PLXNC1: variants seen among roughly 807,000 people sequenced by gnomAD.
PLXNC1 encodes the protein plexin-C1.
Under a neutral mutation model 178.2 loss-of-function variants are expected in PLXNC1, and 75 were observed. The observed-to-expected ratio is 0.42, with a 90% CI of 0.35 to 0.51. The LOEUF is 0.51. Ranked by LOEUF, PLXNC1 falls within the 20% of genes least tolerant of loss-of-function variation. PLXNC1 has a pLI of 0.02. For synonymous variants in PLXNC1, 790 were observed against 779.9 expected (o/e 1.01, Z -0.22); for missense variants, 1,503 against 1,984.4 (o/e 0.76, Z 4.61).
At chr12:94,200,615 TACAC>T (rs1270621671) in intron 4 of PLXNC1, among the ~76,000 whole-genome samples, 2 of 152,204 alleles carry the variant, frequency 1.3e-5, no homozygotes, top group African/African-American at 4.8e-5. Context: ...GGCCCCCAGT[TACAC>T]AGGGAGTATA....
chr12:94,155,509 G>A (rs17022077), intron 1 of PLXNC1, among the ~76,000 whole-genome samples: 3,127 of 152,184 alleles, frequency 0.021, 102 homozygotes, highest in African/African-American at 0.072. Context: ...GGAACTTGTC[G>A]CATTTTTTTT....
At chr12:94,270,655 A>T (rs2136104901) in intron 21 of PLXNC1, among the ~76,000 whole-genome samples, 1 of 152,160 alleles carries the variant, frequency 6.6e-6, no homozygotes, top group African/African-American at 2.4e-5. Flanking sequence ...GGGCTAAATC[A>T]GACAGCTCTT....
At chr12:94,191,460 A>G (rs986440264) in intron 4 of PLXNC1, among the ~76,000 whole-genome samples, 2 of 152,196 alleles carry the variant, frequency 1.3e-5, no homozygotes, top group African/African-American at 4.8e-5. Flanking sequence ...CAAGAAAACT[A>G]TCTTCACTTC....
rs1961578746 is a variant in PLXNC1, at chr12:94,165,553, G to C, written c.1063-3600G>C. On this transcript the variant is annotated intron_variant, in intron 1 of 30. Transcript: ENST00000258526. ...AGGAACAAGCATTTGTCCACGTCCT[G>C]GTCCCTGCAGCTGGGGAAGAACTGC... Among the ~76,000 whole-genome samples the C allele has an allele frequency of 1.3e-5, 2 of 152,176 alleles. 1 individual carries two copies. Among genetic ancestry groups the C allele is most frequent in the South Asian group, 4.1e-4 (2 of 4,824 alleles).
chr12:94,268,462 A>G (rs962927336), intron 21 of PLXNC1, among the ~76,000 whole-genome samples: 1 of 152,152 alleles, frequency 6.6e-6, no homozygotes, highest in African/African-American at 2.4e-5. Context: ...CAACAGTGAG[A>G]CAGAATGCCC....
intron 4 of PLXNC1, among the ~76,000 whole-genome samples, chr12:94,188,702 G>A (rs914970250): frequency 6.6e-5 from 10 of 152,194 alleles, no homozygotes; most frequent in Admixed American, 5.2e-4. Context: ...AAGGAGAAAT[G>A]GATGATACAG....
intron 16 of PLXNC1, 91 bp from the exon 17 acceptor site, chr12:94,255,102 C>A (rs1438192911): frequency 1.9e-6 from 2 of 1,075,602 alleles, no homozygotes; most frequent in Non-Finnish European, 2.8e-6. Flanking sequence ...TAATGAAAAC[C>A]AAGGTCATAC....
intron 20 of PLXNC1, among the ~76,000 whole-genome samples, chr12:94,261,230 A>C (rs1375728761): frequency 6.6e-6 from 1 of 152,240 alleles, no homozygotes; most frequent in Non-Finnish European, 1.5e-5. Flanking sequence ...AATATGCTGT[A>C]AGCTAATTGC....
chr12:94,285,564 G>A (rs1394796827), intron 23 of PLXNC1, among the ~76,000 whole-genome samples: 2 of 152,138 alleles, frequency 1.3e-5, no homozygotes, highest in Non-Finnish European at 2.9e-5. Flanking sequence ...CTTAGCTTTT[G>A]GAGTTTGTAA....
rs145065505 is a variant in PLXNC1, at chr12:94,250,704, T to G, written c.2779-722T>G. Among the ~76,000 whole-genome samples the G allele has an allele frequency of 5.4e-3, 822 of 152,206 alleles. 4 individuals carry two copies. Among genetic ancestry groups the G allele is most frequent in the Non-Finnish European group, 9.6e-3 (656 of 68,004 alleles). Reference sequence around the variant, plus strand: ...GATCTGATCAGCACTGCCAATCTGGTTTTTGCCACAGAATGTTTTATTCAA... The same window carrying G: ...GATCTGATCAGCACTGCCAATCTGGGTTTTGCCACAGAATGTTTTATTCAA... On this transcript the variant is annotated intron_variant, in intron 14 of 30. Coordinates refer to ENST00000258526, the MANE Select transcript of PLXNC1 (RefSeq NM_005761.3).
intron 9 of PLXNC1, among the ~76,000 whole-genome samples, chr12:94,230,179 A>G (rs1216559876): frequency 6.6e-6 from 1 of 152,246 alleles, no homozygotes; most frequent in Non-Finnish European, 1.5e-5. Flanking sequence ...CAATAATTTT[A>G]TATAAACGGA....
chr12:94,253,263 A>G (rs1201833153), intron 15 of PLXNC1, among the ~76,000 whole-genome samples: 1 of 148,450 alleles, frequency 6.7e-6, no homozygotes, highest in African/African-American at 2.5e-5. Context: ...CTGATTTAAC[A>G]TAGGTATTGA....
chr12:94,268,588 C>CTTTTTTTTT (rs61265662), intron 21 of PLXNC1, among the ~76,000 whole-genome samples: 1,706 of 90,792 alleles, frequency 0.019, 59 homozygotes, highest in African/African-American at 0.029. Context: ...AGAATAAGAC[C>CTTTTTTTTT]TTTTTTTTTT....
chr12:94,298,899 C>A, intron 27 of PLXNC1, 104 bp downstream of exon 27: 2 of 1,127,912 alleles, frequency 1.8e-6, no homozygotes, highest in South Asian at 1.5e-5. Context: ...ATCTCTATAT[C>A]AGAATCTTTG....
chr12:94,282,116 C>A, intron 22 of PLXNC1, 182 bp from the exon 23 acceptor site: 1 of 525,266 alleles, frequency 1.9e-6, no homozygotes, highest in Non-Finnish European at 3.3e-6. Context: ...CATCAGAGCC[C>A]TAAACAAACA....
At chr12:94,270,800 C>T (rs1965525147) in intron 21 of PLXNC1, among the ~76,000 whole-genome samples, 1 of 151,592 alleles carries the variant, frequency 6.6e-6, no homozygotes, top group African/African-American at 2.4e-5. Context: ...GCTCTCGTTA[C>T]CCTGTCCTCC....
At chr12:94,254,369 G>A (rs140652650) in intron 15 of PLXNC1, 248 of 373,082 alleles carry the variant, frequency 6.6e-4, no homozygotes, top group Non-Finnish European at 1.1e-3. Context: ...TTCTACGTTT[G>A]CAGCACAACT....
intron 15 of PLXNC1, 62 bp downstream of exon 15, chr12:94,251,590 A>T (rs1964690614): frequency 9.5e-7 from 1 of 1,054,380 alleles, no homozygotes; most frequent in Admixed American, 1.7e-5. Flanking sequence ...CCGGGCAGGC[A>T]GACTTTCAGC....
At chr12:94,167,815 A>AT (rs1202561270) in intron 1 of PLXNC1, among the ~76,000 whole-genome samples, 2 of 152,226 alleles carry the variant, frequency 1.3e-5, no homozygotes, top group Non-Finnish European at 2.9e-5. Flanking sequence ...TATTTTATGC[A>AT]AAAACATTGC....
Sources: allele counts gnomAD v4.1 joint callset (sites outside exome capture counted in the v4.1 genomes callset), GRCh38; gene constraint gnomAD v4.1.1; transcripts MANE v1.5; gene names NCBI Gene and HGNC (gene_info 2026-07-23, HGNC 2026-07-21).